Variants in ZCWPW1 observed in about 807,000 individuals in gnomAD.
The protein encoded by ZCWPW1 is zinc finger CW-type PWWP domain protein 1.
ZCWPW1 carries 56 observed loss-of-function variants against 81.3 expected under a neutral mutation model. The observed-to-expected ratio is 0.69, with a 90% CI of 0.56 to 0.86. The LOEUF is 0.86. Ranked by LOEUF, ZCWPW1 falls within the 40% of genes least tolerant of loss-of-function variation. The pLI is 0.00. For synonymous variants in ZCWPW1, 250 were observed against 273.7 expected, an observed-to-expected ratio of 0.91 and a Z score of 0.86; for missense variants, 650 against 769.8, an observed-to-expected ratio of 0.84 and a Z score of 1.84.
At chr7:100,417,971 G>A (rs1484137494) in intron 5 of ZCWPW1, among the ~76,000 whole-genome samples, 1 of 151,632 alleles carries the variant, frequency 6.6e-6, no homozygotes, top group Admixed American at 6.6e-5. Flanking sequence ...TGCAACTTCC[G>A]CCTCCCAGGT....
chr7:100,412,576 ATTTT>A (rs986528620), intron 8 of ZCWPW1, among the ~76,000 whole-genome samples: 1 of 149,096 alleles, frequency 6.7e-6, no homozygotes, highest in African/African-American at 2.5e-5. Flanking sequence ...AATCCATTTT[ATTTT>A]TTTTTTATTT....
intron 11 of ZCWPW1, 58 bp from the exon 12 acceptor site, chr7:100,406,856 T>G: frequency 1.4e-6 from 2 of 1,473,916 alleles, no homozygotes; most frequent in Non-Finnish European, 1.9e-6. Flanking sequence ...TTTTCTCCTC[T>G]AGCCAGAACA....
In ZCWPW1 at chr7:100,425,030, C is replaced by G. The variant is rs540903509; in HGVS notation, c.-30G>C. On this transcript the variant is annotated splice_region_variant and 5_prime_UTR_variant, in exon 2 of 18. Transcript: ENST00000684423. ...ACTGCTTTCAAACAAAAGCTCTAAC[C>G]TGATCAGTAAAGAAGGGAAGGCCAG... The G allele has an allele frequency of 6.6e-6, 1 of 152,264 alleles. No homozygotes were observed. The highest frequency in any genetic ancestry group is 6.5e-5 in the Admixed American group (1 of 15,294). The allele number at this position is 152,264 out of a possible 1,614,324, so 9.4% of individuals were successfully genotyped here. A position where few individuals can be genotyped will look rare whatever the true frequency, so the allele number is the denominator to read the frequency against.
rs780930255 is a variant in ZCWPW1 at position 100,403,800 on chromosome 7, G to A, written c.1322-15C>T. On this transcript the variant is annotated splice_polypyrimidine_tract_variant and intron_variant, in intron 14 of 17. Transcript: ENST00000684423. The stretch of plus-strand genomic sequence containing the variant: ...GAGCTGTAAGTCTAGAACAGGAAAA[G>A]GAAGGAAAGGCTAAATCATTCATAC... 3 of 1,608,730 alleles carry A rather than the reference G, an allele frequency of 1.9e-6. No homozygotes were observed. The highest frequency in any genetic ancestry group is 1.1e-5 in the South Asian group (1 of 90,862).
chr7:100,417,901 T>C (rs1795626829), intron 5 of ZCWPW1, among the ~76,000 whole-genome samples: 1 of 151,994 alleles, frequency 6.6e-6, no homozygotes, highest in African/African-American at 2.4e-5. Context: ...TGGTTTTTTT[T>C]TGAGACAGAG....
intron 3 of ZCWPW1, 73 bp downstream of exon 3, chr7:100,420,549 T>G (rs1166510635): frequency 3.1e-6 from 5 of 1,587,778 alleles, no homozygotes; most frequent in Non-Finnish European, 4.3e-6. Context: ...TACCATCCTT[T>G]GGTGGAAAGG....
At chr7:100,418,046 G>A (rs1244924847) in intron 5 of ZCWPW1, among the ~76,000 whole-genome samples, 1 of 151,886 alleles carries the variant, frequency 6.6e-6, no homozygotes, top group Non-Finnish European at 1.5e-5. Context: ...CACCACGCCT[G>A]GCTAATTTTT....
chr7:100,402,127 G>A, intron 16 of ZCWPW1, 86 bp from the exon 17 acceptor site: 28 of 1,487,976 alleles, frequency 1.9e-5, no homozygotes, highest in Non-Finnish European at 2.5e-5. Context: ...TTTCTGCCCT[G>A]CCCCACATCT....
intron 12 of ZCWPW1, among the ~76,000 whole-genome samples, chr7:100,406,064 AT>A (rs907761625): frequency 6.6e-6 from 1 of 152,170 alleles, no homozygotes; most frequent in Non-Finnish European, 1.5e-5. Flanking sequence ...GTTTGATTTA[AT>A]ACTCATTGCT....
chr7:100,427,923 C>G (rs1000676116), intron 1 of ZCWPW1, among the ~76,000 whole-genome samples: 1 of 151,816 alleles, frequency 6.6e-6, no homozygotes, highest in African/African-American at 2.4e-5. Context: ...GAGGGAATCT[C>G]CCCTCCACCC....
At chr7:100,409,008 C>T (rs1462428424) in intron 9 of ZCWPW1, among the ~76,000 whole-genome samples, 2 of 152,130 alleles carry the variant, frequency 1.3e-5, no homozygotes, top group Non-Finnish European at 2.9e-5. Context: ...TCTGTTTTCT[C>T]ATCTGTAAAA....
At chr7:100,409,263 C>T (rs1470920783) in intron 9 of ZCWPW1, among the ~76,000 whole-genome samples, 165 bp downstream of exon 9, 4 of 152,128 alleles carry the variant, frequency 2.6e-5, no homozygotes, top group African/African-American at 9.7e-5. Context: ...CCTTTTCTGC[C>T]CAGATTCATC....
At chr7:100,411,162 A>T (rs927700692) in intron 8 of ZCWPW1, among the ~76,000 whole-genome samples, 5 of 152,234 alleles carry the variant, frequency 3.3e-5, no homozygotes, top group African/African-American at 1.2e-4. Flanking sequence ...ATACCTGATC[A>T]TAAAGGATGG....
At chr7:100,406,226 T>G (rs1303425938) in intron 12 of ZCWPW1, among the ~76,000 whole-genome samples, 1 of 152,174 alleles carries the variant, frequency 6.6e-6, no homozygotes, top group Non-Finnish European at 1.5e-5. Context: ...TGGCAATGGC[T>G]GGAGATAATT....
intron 8 of ZCWPW1, among the ~76,000 whole-genome samples, chr7:100,411,155 C>A (rs981896403): frequency 2.0e-5 from 3 of 152,214 alleles, no homozygotes; most frequent in Non-Finnish European, 4.4e-5. Context: ...ACCTTAAATA[C>A]CTGATCATAA....
chr7:100,405,091 T>G lies in ZCWPW1; in HGVS notation c.1176A>C (p.Lys392Asn). The G allele has an allele frequency of 6.2e-7, 1 of 1,612,282 alleles. No individual in the cohort carries two copies. Among genetic ancestry groups the G allele is most frequent in the Non-Finnish European group, 8.5e-7 (1 of 1,179,254 alleles). ...QELSLELSVM[K>N]KRRNDCSQKL... ...TCTGGCTGCAGTCATTTCTGCGCTT[T>G]TTCTGAAATAGAAGATTAGAGCCAA... Residue 392 changes from lysine (K) to asparagine (N), a missense_variant and splice_region_variant, in exon 13 of 18, where the codon AAA (lysine) becomes AAC (asparagine). Coordinates refer to ENST00000684423, the MANE Select transcript of ZCWPW1 (RefSeq NM_001386010.1).
At chr7:100,421,710 G>A (rs1345404945) in intron 2 of ZCWPW1, among the ~76,000 whole-genome samples, 1 of 149,284 alleles carries the variant, frequency 6.7e-6, no homozygotes, top group South Asian at 2.1e-4. Context: ...TTTTTTTTTT[G>A]AGATGGAATT....
At chr7:100,427,943 C>G (rs1169513494) in intron 1 of ZCWPW1, among the ~76,000 whole-genome samples, 1 of 151,850 alleles carries the variant, frequency 6.6e-6, no homozygotes, top group African/African-American at 2.4e-5. Flanking sequence ...CCCACTCCTG[C>G]CGAGGCCCCG....
chr7:100,418,508 AC>A (rs1722843139), intron 5 of ZCWPW1, among the ~76,000 whole-genome samples: 1 of 152,054 alleles, frequency 6.6e-6, no homozygotes. Flanking sequence ...AATTAAAACA[AC>A]AGGCTGGGTG....
Sources: allele counts gnomAD v4.1 joint callset (sites outside exome capture counted in the v4.1 genomes callset), GRCh38; gene constraint gnomAD v4.1.1; transcripts MANE v1.5; gene names NCBI Gene and HGNC (gene_info 2026-07-23, HGNC 2026-07-21).